KCNK10: variants seen among roughly 807,000 people sequenced by gnomAD.
KCNK10 encodes the protein potassium two pore domain channel subfamily K member 10.
KCNK10 carries 25 observed loss-of-function variants against 47.7 expected under a neutral mutation model. The ratio of observed to expected loss-of-function variants is 0.52; its 90% CI spans 0.38 to 0.73. KCNK10 has a LOEUF of 0.73. KCNK10 is among the 30% of genes least tolerant of loss of function. The pLI is 0.00. For missense variants in KCNK10, 563 were observed against 714.5 expected (o/e 0.79, Z 2.42); for synonymous variants, 303 against 285.6 (o/e 1.06, Z -0.61).
At chr14:88,283,935 T>C (rs986161283) in intron 1 of KCNK10, among the ~76,000 whole-genome samples, 9 of 152,176 alleles carry the variant, frequency 5.9e-5, no homozygotes, top group African/African-American at 2.2e-4. Context: ...GAACACCTTT[T>C]GGTGTTCCAT....
intron 5 of KCNK10, among the ~76,000 whole-genome samples, chr14:88,190,175 T>C (rs1211703760): frequency 6.6e-6 from 1 of 152,186 alleles, no homozygotes; most frequent in African/African-American, 2.4e-5. Context: ...GCCTCTGCTA[T>C]TTGTGCCTCA....
chr14:88,296,915 C>T (rs568196032), intron 1 of KCNK10, among the ~76,000 whole-genome samples: 1 of 152,330 alleles, frequency 6.6e-6, no homozygotes, highest in South Asian at 2.1e-4. Context: ...TTACAAAACA[C>T]ATCATTATCT....
At chr14:88,210,274 TATC>T (rs1413837435) in intron 4 of KCNK10, among the ~76,000 whole-genome samples, 24 of 152,348 alleles carry the variant, frequency 1.6e-4, no homozygotes, top group Admixed American at 1.2e-3. Context: ...CTAGCCCTGG[TATC>T]ATTCTGCACA....
At chr14:88,273,652 C>T (rs560895625) in intron 1 of KCNK10, among the ~76,000 whole-genome samples, 1 of 152,260 alleles carries the variant, frequency 6.6e-6, no homozygotes, top group East Asian at 1.9e-4. Context: ...CTGCCTACCT[C>T]GTGATTCTCC....
chr14:88,268,861 T>G (rs2139760519), intron 1 of KCNK10, among the ~76,000 whole-genome samples: 1 of 152,338 alleles, frequency 6.6e-6, no homozygotes, highest in Middle Eastern at 3.4e-3. Context: ...TTAAAATGTT[T>G]CCTCAAGAAT....
intron 2 of KCNK10, among the ~76,000 whole-genome samples, chr14:88,242,231 A>G (rs1008370563): frequency 4.6e-5 from 7 of 152,274 alleles, no homozygotes; most frequent in African/African-American, 1.7e-4. Context: ...AAAGTCAATC[A>G]TCATTACATT....
chr14:88,201,492 T>C (rs1403474651), intron 4 of KCNK10, among the ~76,000 whole-genome samples: 1 of 151,916 alleles, frequency 6.6e-6, no homozygotes, highest in African/African-American at 2.4e-5. Context: ...AAACCCTGTC[T>C]CTACTAAAAA....
At chr14:88,279,364 C>CGT (rs58319931) in intron 1 of KCNK10, among the ~76,000 whole-genome samples, 16,828 of 137,416 alleles carry the variant, frequency 0.12, 1,005 homozygotes, top group African/African-American at 0.14. Flanking sequence ...TTGCCAGATA[C>CGT]GTGTGTGTGT....
In KCNK10 at chr14:88,237,971, G is replaced by A. The variant is rs552395415; in HGVS notation, c.520+2732C>T. 5.4e-4 allele frequency among the ~76,000 whole-genome samples: 82 copies of A among 152,254 alleles called. No individual in the cohort carries two copies. The South Asian group carries it at 7.9e-3, about 15-fold the overall frequency. On this transcript the variant is annotated intron_variant, in intron 3 of 6. Transcript: ENST00000319231. Reference sequence around the variant, plus strand: ...TTCTGTAACTATGAAAGTCCTAGATGGCATCTTGTAATATAAGGCTGTTTT... The same window carrying A: ...TTCTGTAACTATGAAAGTCCTAGATAGCATCTTGTAATATAAGGCTGTTTT...
chr14:88,208,105 C>T (rs1264619080), intron 4 of KCNK10, among the ~76,000 whole-genome samples: 2 of 152,222 alleles, frequency 1.3e-5, no homozygotes, highest in East Asian at 3.8e-4. Flanking sequence ...CTATGACAAA[C>T]TTTTAACATT....
intron 1 of KCNK10, among the ~76,000 whole-genome samples, chr14:88,278,640 C>T (rs1030854677): frequency 4.6e-5 from 7 of 152,158 alleles, no homozygotes; most frequent in African/African-American, 1.7e-4. Context: ...TCAATCTAAC[C>T]TTTGAGTTCA....
chr14:88,265,732 A>G (rs1887234394), intron 1 of KCNK10, among the ~76,000 whole-genome samples: 1 of 152,132 alleles, frequency 6.6e-6, no homozygotes, highest in Non-Finnish European at 1.5e-5. Context: ...GAGGTAATTG[A>G]AGCATGGGGG....
At chr14:88,312,748 A>G (rs561240624) in intron 1 of KCNK10, among the ~76,000 whole-genome samples, 134 of 152,376 alleles carry the variant, frequency 8.8e-4, no homozygotes, top group Middle Eastern at 3.4e-3. Flanking sequence ...TTACAGATTT[A>G]CACATAGATG....
intron 4 of KCNK10, among the ~76,000 whole-genome samples, chr14:88,210,272 G>C (rs555510595): frequency 6.6e-5 from 10 of 152,164 alleles, no homozygotes; most frequent in Non-Finnish European, 1.3e-4. Context: ...CCCTAGCCCT[G>C]GTATCATTCT....
At chr14:88,197,765 A>C (rs1329168864) in intron 4 of KCNK10, among the ~76,000 whole-genome samples, 1 of 150,516 alleles carries the variant, frequency 6.6e-6, no homozygotes, top group African/African-American at 2.4e-5. Context: ...TAAAACCTTA[A>C]ATGTCAGGGA....
At chr14:88,277,848 T>G (rs1421940808) in intron 1 of KCNK10, among the ~76,000 whole-genome samples, 1 of 152,036 alleles carries the variant, frequency 6.6e-6, no homozygotes, top group East Asian at 1.9e-4. Context: ...CTCACTCCAC[T>G]CCCCAAAATA....
rs554059144 is a variant in KCNK10, at chr14:88,267,331, C to T, written c.53-3780G>A. ...CACATCTCAATGGCTAGAAAAGGAT[C>T]TGGATTGTGCTTAAGATGGATAAAT... On this transcript the variant is annotated intron_variant, in intron 1 of 6. Transcript: ENST00000319231. Among the ~76,000 whole-genome samples, 6 of 152,072 alleles carry T rather than the reference C, an allele frequency of 3.9e-5. No homozygotes were observed. The South Asian group carries it at 8.3e-4, about 21-fold the overall frequency.
intron 2 of KCNK10, among the ~76,000 whole-genome samples, chr14:88,252,641 C>A (rs1482102986): frequency 3.3e-5 from 5 of 152,172 alleles, no homozygotes; most frequent in African/African-American, 1.2e-4. Flanking sequence ...AGGACCACAG[C>A]ACAATACCCA....
At chr14:88,187,850 C>G (rs532923715) in intron 6 of KCNK10, 117 bp downstream of exon 6, 19 of 1,030,148 alleles carry the variant, frequency 1.8e-5, no homozygotes, top group Non-Finnish European at 2.8e-5. Flanking sequence ...ACCCGCCCCC[C>G]GCTCCCCCTG....
Sources: gnomAD v4.1 joint callset for allele counts (sites outside exome capture counted in the v4.1 genomes callset) on GRCh38, gnomAD v4.1.1 for gene constraint, MANE v1.5 for transcripts, NCBI Gene and HGNC (gene_info 2026-07-23, HGNC 2026-07-21) for gene names.